Variants in SCN2A observed in about 807,000 individuals in gnomAD.
SCN2A encodes sodium channel protein type 2 subunit alpha.
SCN2A carries 20 observed loss-of-function variants against 188.7 expected under a neutral mutation model. That is an observed-to-expected ratio of 0.11 (90% confidence interval 0.07 to 0.15). SCN2A has a LOEUF of 0.15. Ranked by LOEUF, SCN2A falls within the 10% of genes least tolerant of loss-of-function variation. The pLI, the probability that SCN2A is intolerant of heterozygous loss-of-function variation, is 1.00. For missense variants in SCN2A, 1,278 were observed against 2,445.0 expected, an observed-to-expected ratio of 0.52 and a Z score of 10.07; for synonymous variants, 804 against 833.1, an observed-to-expected ratio of 0.97 and a Z score of 0.60.
intron 1 of SCN2A, among the ~76,000 whole-genome samples, chr2:165,290,983 C>G (rs1184074734): frequency 6.6e-6 from 1 of 150,848 alleles, no homozygotes; most frequent in East Asian, 2.0e-4. Flanking sequence ...AATAGTAACT[C>G]AACAACTCTG....
rs773029348 is a variant in SCN2A, at chr2:165,313,933, T to C, written c.1208T>C (p.Ile403Thr). 1.9e-5 allele frequency: 31 copies of C among 1,613,804 alleles called. No homozygotes were observed. In the South Asian group the frequency reaches 3.0e-4, roughly 15 times the overall value. ...CGTGCTGCTGGGAAAACGTACATGA[T>C]ATTTTTTGTGCTGGTCATTTTCTTG... is the stretch of plus-strand genomic sequence containing the variant. Reference protein sequence around the residue: ...TLRAAGKTYMIFFVLVIFLGS... With the variant: ...TLRAAGKTYMTFFVLVIFLGS... The change falls in exon 10 of 27, where the codon ATA (isoleucine) becomes ACA (threonine). Residue 403 changes from isoleucine (I) to threonine (T), a missense_variant. Coordinates refer to ENST00000375437, the MANE Select transcript of SCN2A (RefSeq NM_001040142.2).
At chr2:165,345,293 T>G (rs192626719) in intron 16 of SCN2A, among the ~76,000 whole-genome samples, 3 of 152,178 alleles carry the variant, frequency 2.0e-5, no homozygotes, top group Non-Finnish European at 4.4e-5. Flanking sequence ...AGCAACAATC[T>G]CAGTTTATTA....
intron 1 of SCN2A, chr2:165,272,329 G>A (rs1320175470): frequency 6.6e-6 from 1 of 151,946 alleles, no homozygotes; most frequent in Non-Finnish European, 1.5e-5. Context: ...TCTTAAAAGG[G>A]TATAACAAAG....
chr2:165,377,134 T>C (rs1192358202), intron 22 of SCN2A, among the ~76,000 whole-genome samples: 2 of 151,992 alleles, frequency 1.3e-5, no homozygotes, highest in Non-Finnish European at 1.5e-5. Context: ...ATTAAGAAGA[T>C]TTTCAAGAAT....
At chr2:165,376,691 T>C (rs563594128) in intron 22 of SCN2A, among the ~76,000 whole-genome samples, 2 of 145,246 alleles carry the variant, frequency 1.4e-5, no homozygotes, top group Admixed American at 1.3e-4. Flanking sequence ...CAAGGGGGGT[T>C]GAAAAGGGGT....
rs540628492 is a variant in SCN2A, at chr2:165,251,421, T to C, written c.-52+11781T>C. On this transcript the variant is annotated intron_variant, in intron 1 of 26. Transcript: ENST00000375437. ...GTATTTTTACAAGTACACGTTCAAA[T>C]ATAGCGTGATGATATTTTATCTCAG... Among the ~76,000 whole-genome samples the C allele has an allele frequency of 9.3e-4, 142 of 152,212 alleles. 1 individual carries two copies. Among genetic ancestry groups the C allele is most frequent in the Non-Finnish European group, 1.6e-3 (109 of 67,970 alleles).
intron 7 of SCN2A, chr2:165,310,886 T>G (rs1001649524): frequency 9.8e-6 from 2 of 203,328 alleles, no homozygotes; most frequent in African/African-American, 4.7e-5. Flanking sequence ...AATCAGGTTT[T>G]TCAGTCATTT....
chr2:165,290,236 C>A (rs7563591), intron 1 of SCN2A, among the ~76,000 whole-genome samples: 1,543 of 152,204 alleles, frequency 0.01, 19 homozygotes, highest in African/African-American at 0.034. Context: ...CAATATCCTC[C>A]TCCTACCTAT....
At chr2:165,296,885 A>G (rs923996200) in intron 2 of SCN2A, 132 bp from the exon 3 acceptor site, 2 of 572,478 alleles carry the variant, frequency 3.5e-6, no homozygotes, top group Non-Finnish European at 6.3e-6. Flanking sequence ...TCTTCATGTC[A>G]TATGATGGTA....
At chr2:165,247,891 C>T (rs1453893655) in intron 1 of SCN2A, among the ~76,000 whole-genome samples, 1 of 152,162 alleles carries the variant, frequency 6.6e-6, no homozygotes, top group Non-Finnish European at 1.5e-5. Context: ...CCCAACCAAC[C>T]TGCTCCAATC....
At chr2:165,256,130 T>C (rs1694313814) in intron 1 of SCN2A, among the ~76,000 whole-genome samples, 1 of 150,462 alleles carries the variant, frequency 6.6e-6, no homozygotes, top group Admixed American at 6.7e-5. Flanking sequence ...TTTAGCCTCC[T>C]GAGTAGCTGG....
chr2:165,368,738 G>A (rs1164637520), intron 19 of SCN2A, among the ~76,000 whole-genome samples: 2 of 152,122 alleles, frequency 1.3e-5, no homozygotes, highest in Admixed American at 1.3e-4. Context: ...TGATACAAAT[G>A]TGGTTGCATT....
chr2:165,353,721 A>T lies in SCN2A; in HGVS notation c.2920-471A>T, dbSNP rs1424499977. Among the ~76,000 whole-genome samples the T allele has an allele frequency of 3.9e-5, 6 of 152,026 alleles. 1 individual carries two copies. The highest frequency in any genetic ancestry group is 1.4e-4 in the African/African-American group (6 of 41,388). On this transcript the variant is annotated intron_variant, in intron 16 of 26. Coordinates refer to ENST00000375437, the MANE Select transcript of SCN2A (RefSeq NM_001040142.2). ...GCACTACAAACTTTTAAATAACAAC[A>T]TCTCATGAGAACTCACTAACATGAG...
chr2:165,244,186 G>A (rs958461846), intron 1 of SCN2A, among the ~76,000 whole-genome samples: 1 of 152,032 alleles, frequency 6.6e-6, no homozygotes, highest in South Asian at 2.1e-4. Flanking sequence ...AGGTTGCAGT[G>A]GACTGAGATC....
At chr2:165,339,565 C>CA (rs1485952391) in intron 14 of SCN2A, among the ~76,000 whole-genome samples, 1 of 151,496 alleles carries the variant, frequency 6.6e-6, no homozygotes, top group African/African-American at 2.4e-5. Flanking sequence ...ACCATAATAT[C>CA]AAAAAACACG....
rs1693525579 is a variant in SCN2A, at chr2:165,239,512, A to G, written c.-180A>G. Reference sequence around the variant, plus strand: ...TCCTTTCTTGTTTTTTTCTTCTTTAATGAGGATAGAGCACATGTGAGATTT... The same window carrying G: ...TCCTTTCTTGTTTTTTTCTTCTTTAGTGAGGATAGAGCACATGTGAGATTT... On this transcript the variant is annotated 5_prime_UTR_variant, in exon 1 of 27. It removes an upstream start codon present in the reference 5' UTR. Transcript: ENST00000375437. 1 of 417,944 alleles carries G rather than the reference A, an allele frequency of 2.4e-6. No individual in the cohort carries two copies. Among genetic ancestry groups the G allele is most frequent in the Non-Finnish European group, 3.2e-6 (1 of 311,720 alleles). 25.9% of individuals were successfully genotyped at this position (417,944 alleles called of 1,614,324 possible).
intron 3 of SCN2A, among the ~76,000 whole-genome samples, chr2:165,302,534 A>G (rs896541398): frequency 2.0e-5 from 3 of 152,254 alleles, no homozygotes; most frequent in African/African-American, 7.2e-5. Flanking sequence ...AGAATAACAA[A>G]GAAATGTCCT....
At chr2:165,317,518 T>G (rs1353740627) in intron 11 of SCN2A, among the ~76,000 whole-genome samples, 1 of 152,136 alleles carries the variant, frequency 6.6e-6, no homozygotes, top group African/African-American at 2.4e-5. Flanking sequence ...GGCCTAGATT[T>G]GAAACTTCAT....
chr2:165,381,419 A>G (rs1701596362), intron 25 of SCN2A, among the ~76,000 whole-genome samples: 1 of 151,944 alleles, frequency 6.6e-6, no homozygotes, highest in African/African-American at 2.4e-5. Flanking sequence ...CATATAAAAT[A>G]CATAGAAATA....
Sources: gnomAD v4.1 joint callset for allele counts (sites outside exome capture counted in the v4.1 genomes callset) on GRCh38, gnomAD v4.1.1 for gene constraint, MANE v1.5 for transcripts, NCBI Gene and HGNC (gene_info 2026-07-23, HGNC 2026-07-21) for gene names.